The following ARID1A variants were observed in gnomAD, a reference collection of about 807,000 sequenced individuals.
ARID1A encodes AT-rich interactive domain-containing protein 1A.
ARID1A carries 20 observed loss-of-function variants against 212.6 expected under a neutral mutation model. The ratio of observed to expected loss-of-function variants is 0.09; its 90% confidence interval spans 0.07 to 0.14. ARID1A has a LOEUF of 0.14. ARID1A is among the 10% of genes least tolerant of loss of function. The pLI is 1.00. For synonymous variants in ARID1A, 1,376 were observed against 1,222.1 expected, an observed-to-expected ratio of 1.13 and a Z score of -2.63; for missense variants, 2,587 against 3,059.0, an observed-to-expected ratio of 0.85 and a Z score of 3.64.
At chr1:26,718,773 G>T (rs1044292470) in intron 1 of ARID1A, among the ~76,000 whole-genome samples, 3 of 152,158 alleles carry the variant, frequency 2.0e-5, no homozygotes, top group Admixed American at 6.5e-5. Flanking sequence ...CTACATTTTT[G>T]ATCTGAGGCT....
chr1:26,709,677 T>G (rs1029464062), intron 1 of ARID1A, among the ~76,000 whole-genome samples: 1 of 151,152 alleles, frequency 6.6e-6, no homozygotes, highest in Non-Finnish European at 1.5e-5. Context: ...GACAGGGTCT[T>G]TCTCTGTTTC....
In ARID1A at chr1:26,696,839, C is replaced by T. The variant is rs2080261756; in HGVS notation, c.436C>T (p.Pro146Ser). ...PHSAAAALPPPAYGFGQPYGR... is the reference protein window; with the variant it reads ...PHSAAAALPPSAYGFGQPYGR... ...CTCAGCCGCGGCCGCCTTGCCGCCC[C>T]CAGCCTACGGCTTCGGGCAACCCTA... The change falls in exon 1 of 20, where the codon CCA (proline) becomes TCA (serine). Residue 146 changes from proline to serine, a missense_variant. Coordinates refer to ENST00000324856, the MANE Select transcript of ARID1A (RefSeq NM_006015.6). 3 of 1,340,908 alleles carry T rather than the reference C, an allele frequency of 2.2e-6. No homozygotes were observed. The highest frequency in any genetic ancestry group is 2.9e-6 in the Non-Finnish European group (3 of 1,047,668). 83.1% of individuals were successfully genotyped at this position (1,340,908 alleles called of 1,614,324 possible). A position where few individuals can be genotyped will look rare whatever the true frequency, so the allele number is the denominator to read the frequency against.
At chr1:26,773,535 C>T (rs1423326062) in intron 15 of ARID1A, 39 bp downstream of exon 15, 3 of 1,613,772 alleles carry the variant, frequency 1.9e-6, no homozygotes, top group South Asian at 1.1e-5. Flanking sequence ...CCCCCAGCAC[C>T]CTGAAGCTAT....
intron 1 of ARID1A, among the ~76,000 whole-genome samples, chr1:26,723,341 G>A (rs191274028): frequency 5.9e-5 from 9 of 152,316 alleles, no homozygotes; most frequent in African/African-American, 7.2e-5. Flanking sequence ...TATCACAGGG[G>A]AGGGTCCCAT....
At chr1:26,743,351 G>T (rs537051729) in intron 4 of ARID1A, among the ~76,000 whole-genome samples, 5 of 152,044 alleles carry the variant, frequency 3.3e-5, no homozygotes, top group Non-Finnish European at 7.4e-5. Context: ...TATTGGCATA[G>T]CCTTATGCTG....
rs2124117877 is a variant in ARID1A, at chr1:26,774,453, A to T, written c.4226A>T (p.Gln1409Leu). The T allele has an allele frequency of 6.2e-7, 1 of 1,613,674 alleles. No individual in the cohort carries two copies. The highest frequency in any genetic ancestry group is 8.5e-7 in the Non-Finnish European group (1 of 1,179,798). Residue 1409 changes from glutamine to leucine, a missense_variant, in exon 18 of 20, where the codon CAG becomes CTG. Physicochemically the swap from Gln to Leu is moderately radical, Grantham distance 113. Transcript: ENST00000324856. The surrounding 1 kb of genome is among the most constrained non-coding windows in gnomAD (Gnocchi z 5.6). The part of the protein sequence containing the change: ...QPQQQQLPPA[Q>L]PQPASQQQAA... ...CAGCAGCAGCAGTTGCCCCCAGCCC[A>T]GCCCCAGCCTGCCAGCCAGCAACAA...
At chr1:26,770,716 C>T (rs1021257135) in intron 11 of ARID1A, 1 of 191,942 alleles carries the variant, frequency 5.2e-6, no homozygotes, top group Non-Finnish European at 1.1e-5. Context: ...CAAGATCACG[C>T]CACTGCACTC....
intron 4 of ARID1A, among the ~76,000 whole-genome samples, chr1:26,743,746 C>A (rs1168575857): frequency 6.8e-6 from 1 of 147,068 alleles, no homozygotes; most frequent in African/African-American, 2.5e-5. Flanking sequence ...GCAAGAGAAT[C>A]GCTTGAACCC....
At position 26,760,886 on chromosome 1, in the gene ARID1A, A is replaced by G. The variant is rs1341298575; in HGVS notation, c.1951A>G (p.Met651Val). ...DLSGSIDDLP[M>V]GTEGALSPGV... Reference sequence around the variant, plus strand: ...ATCTGGTTCAATAGATGACCTCCCCATGGGGACAGAAGGAGCTCTGAGTCC... The same window carrying G: ...ATCTGGTTCAATAGATGACCTCCCCGTGGGGACAGAAGGAGCTCTGAGTCC... The change falls in exon 5 of 20, where the codon ATG becomes GTG. Residue 651 changes from methionine to valine, a missense_variant. Transcript: ENST00000324856. 1.2e-5 allele frequency: 20 copies of G among 1,613,790 alleles called. No homozygotes were observed. Among genetic ancestry groups the G allele is most frequent in the African/African-American group, 2.7e-5 (2 of 74,892 alleles).
Position 26,780,884 on chromosome 1 carries a change from C to A in ARID1A, c.*128C>A. ...TTACCCTGTGCTGTCCAGCTTCTCC[C>A]TTGGGAAAAAGTCTCTCCTGTTTCT... On this transcript the variant is annotated 3_prime_UTR_variant, in exon 20 of 20. Coordinates refer to ENST00000324856, the MANE Select transcript of ARID1A (RefSeq NM_006015.6). The surrounding 1 kb of genome is among the most constrained non-coding windows in gnomAD (Gnocchi z 7.2). The A allele has an allele frequency of 7.4e-7, 1 of 1,350,760 alleles. No individual in the cohort carries two copies. The highest frequency in any genetic ancestry group is 9.9e-7 in the Non-Finnish European group (1 of 1,007,100). The allele number at this position is 1,350,760 out of a possible 1,614,324, so 83.7% of individuals were successfully genotyped here.
Position 26,775,557 on chromosome 1 carries a change from G to C in ARID1A, c.4994-20G>C, listed in dbSNP as rs113553273. ...GCCAACCTGGGCTTGGTGGATAGAC[G>C]ACATGGAGGTTTATTTCAGGAACCC... On this transcript the variant is annotated intron_variant, in intron 18 of 19. Transcript: ENST00000324856. The C allele has an allele frequency of 8.7e-5, 140 of 1,613,416 alleles. 4 individuals carry two copies. The African/African-American group carries it at 9.9e-4, about 11-fold the overall frequency.
chr1:26,717,880 A>G (rs1036118403), intron 1 of ARID1A, among the ~76,000 whole-genome samples: 2 of 152,222 alleles, frequency 1.3e-5, no homozygotes, highest in African/African-American at 4.8e-5. Flanking sequence ...AAAGTATTCC[A>G]GGTAGAAGGA....
At chr1:26,766,153 G>C (rs974964026) in intron 8 of ARID1A, 68 bp from the exon 9 acceptor site, 2 of 1,533,308 alleles carry the variant, frequency 1.3e-6, no homozygotes, top group East Asian at 4.5e-5. Context: ...GCACTATTTG[G>C]CTCCAGTTCA....
At chr1:26,760,251 C>T (rs1009600258) in intron 4 of ARID1A, among the ~76,000 whole-genome samples, 1 of 152,188 alleles carries the variant, frequency 6.6e-6, no homozygotes, top group Non-Finnish European at 1.5e-5. Flanking sequence ...AAAACTCAGT[C>T]ACACCATTGT....
intron 1 of ARID1A, among the ~76,000 whole-genome samples, chr1:26,698,857 C>T (rs1223325851): frequency 2.0e-5 from 3 of 152,054 alleles, no homozygotes; most frequent in African/African-American, 7.2e-5. Context: ...TTTTTTAGAA[C>T]TGGGAGCTTT....
rs2124056094 is a variant in ARID1A, at chr1:26,761,022, C to G, written c.2087C>G (p.Ser696Cys). 1 of 1,614,096 alleles carries G rather than the reference C, an allele frequency of 6.2e-7. No homozygotes were observed. Among genetic ancestry groups the G allele is most frequent in the Non-Finnish European group, 8.5e-7 (1 of 1,180,030 alleles). ...SPHLPGIRGP[S>C]PSPVGSPASV... Reference sequence around the variant, plus strand: ...CACCTGCCTGGCATCCGAGGCCCTTCCCCGTCCCCTGTTGGCTCTCCCGCC... The same window carrying G: ...CACCTGCCTGGCATCCGAGGCCCTTGCCCGTCCCCTGTTGGCTCTCCCGCC... The change falls in exon 5 of 20, where the codon TCC becomes TGC. Residue 696 changes from serine to cysteine, a missense_variant. Ser to Cys is a moderately radical substitution (Grantham distance 112). Around this residue, in one of 11 missense-constraint regions of ARID1A, gnomAD observed 674 missense variants for 813.4 expected, o/e 0.83. Coordinates refer to ENST00000324856, the MANE Select transcript of ARID1A (RefSeq NM_006015.6).
In ARID1A at chr1:26,780,062, T is replaced by C. The variant is rs769207671; in HGVS notation, c.6164T>C (p.Met2055Thr). 6.2e-7 allele frequency: 1 copy of C among 1,614,062 alleles called. No homozygotes were observed. The highest frequency in any genetic ancestry group is 8.5e-7 in the Non-Finnish European group (1 of 1,180,014). Residue 2055 changes from methionine to threonine, a missense_variant, in exon 20 of 20, where the codon ATG becomes ACG. Met to Thr is a moderately conservative substitution (Grantham distance 81). Coordinates refer to ENST00000324856, the MANE Select transcript of ARID1A (RefSeq NM_006015.6). The surrounding 1 kb of genome is among the most constrained non-coding windows in gnomAD (Gnocchi z 7.2). Reference protein sequence around the residue: ...KVEWWWDCLEMLRENTLVTLA... With the variant: ...KVEWWWDCLETLRENTLVTLA... ...GAGTGGTGGTGGGACTGCTTGGAGA[T>C]GCTCCGGGAAAACACCTTGGTTACA...
intron 1 of ARID1A, among the ~76,000 whole-genome samples, chr1:26,716,571 C>T (rs1049003942): frequency 6.6e-6 from 1 of 152,000 alleles, no homozygotes; most frequent in Non-Finnish European, 1.5e-5. Flanking sequence ...AGGAAGTTAT[C>T]CATTGAGGCA....
rs1327225341 is a variant in ARID1A, at chr1:26,782,069, A to T, written c.*1313A>T. On this transcript the variant is annotated 3_prime_UTR_variant, in exon 20 of 20. Transcript: ENST00000324856. Reference sequence around the variant, plus strand: ...ATGAAATCTTTATACTATATGTTCCACGTGTTAAGAATAAATGTACATTAA... The same window carrying T: ...ATGAAATCTTTATACTATATGTTCCTCGTGTTAAGAATAAATGTACATTAA... 4.4e-6 allele frequency: 1 copy of T among 228,136 alleles called. No individual in the cohort carries two copies. Among genetic ancestry groups the T allele is most frequent in the Non-Finnish European group, 8.7e-6 (1 of 114,788 alleles). 14.1% of individuals were successfully genotyped at this position (228,136 alleles called of 1,614,324 possible).
Sources: allele counts gnomAD v4.1 joint callset (sites outside exome capture counted in the v4.1 genomes callset), GRCh38; gene constraint gnomAD v4.1.1; regional missense constraint gnomAD v4.1.1; non-coding constraint Gnocchi (gnomAD v3.1); transcripts MANE v1.5; gene names NCBI Gene and HGNC (gene_info 2026-07-23, HGNC 2026-07-21).